HERC1: variants seen among roughly 807,000 people sequenced by gnomAD.
HERC1 encodes the protein HECT and RLD domain containing E3 ubiquitin protein ligase family member 1.
A neutral mutation model predicts 554.3 loss-of-function variants in HERC1; 160 were observed. That is an observed-to-expected ratio of 0.29 (90% confidence interval 0.25 to 0.33). The LOEUF (loss-of-function observed/expected upper bound fraction) is 0.33, where lower values mean the gene tolerates loss of function less well. Ranked by LOEUF, HERC1 falls within the 10% of genes least tolerant of loss-of-function variation. The pLI is 1.00. For missense variants in HERC1, 4,919 were observed against 5,918.5 expected, an observed-to-expected ratio of 0.83 and a Z score of 5.54; for synonymous variants, 2,175 against 2,131.7, an observed-to-expected ratio of 1.02 and a Z score of -0.56.
chr15:63,709,145 C>T (rs945220354), intron 24 of HERC1, among the ~76,000 whole-genome samples: 1 of 151,352 alleles, frequency 6.6e-6, no homozygotes, highest in African/African-American at 2.4e-5. Context: ...CACCACAACA[C>T]CCAGCTAATA....
At position 63,754,521 on chromosome 15, in the gene HERC1, A is replaced by C; in HGVS notation, c.1758T>G (p.Phe586Leu). Residue 586 changes from phenylalanine to leucine, a missense_variant, in exon 7 of 78, where the codon TTT becomes TTG. By Grantham distance (22) the Phe-to-Leu change is conservative. This residue lies in a region of HERC1 where 744 missense variants were observed against 1,090.0 expected (regional missense o/e 0.68). Coordinates refer to ENST00000443617, the MANE Select transcript of HERC1 (RefSeq NM_003922.4). ...TTTACATACCATTGTCTCCTCCTCC[A>C]AAAGACCATACAGTTCTCCCATCTT... ...LSKDGRTVWSFGGGDNGKLGH... is the reference protein window; with the variant it reads ...LSKDGRTVWSLGGGDNGKLGH... 6.2e-7 allele frequency: 1 copy of C among 1,603,216 alleles called. No individual in the cohort carries two copies. The highest frequency in any genetic ancestry group is 1.3e-5 in the African/African-American group (1 of 74,838).
chr15:63,656,120 C>T lies in HERC1; in HGVS notation c.9838G>A (p.Ala3280Thr). The T allele has an allele frequency of 6.2e-7, 1 of 1,612,810 alleles. No individual in the cohort carries two copies. The highest frequency in any genetic ancestry group is 8.5e-7 in the Non-Finnish European group (1 of 1,179,348). ...CACAACTGTACAAGCAGTTTGGCAG[C>T]ACTAGGAGCATTTGATGCCAGACAT... Reference protein sequence around the residue: ...VGCLASNAPSAAKLLVQLCTQ... With the variant: ...VGCLASNAPSTAKLLVQLCTQ... Residue 3280 changes from alanine to threonine, a missense_variant, in exon 49 of 78, where the codon GCT becomes ACT. Ala to Thr is a moderately conservative substitution (Grantham distance 58). Transcript: ENST00000443617.
intron 40 of HERC1, among the ~76,000 whole-genome samples, chr15:63,668,966 C>A (rs927861315): frequency 2.6e-5 from 4 of 152,130 alleles, no homozygotes; most frequent in Non-Finnish European, 5.9e-5. Flanking sequence ...GCACAATACA[C>A]GTATTTTCCA....
chr15:63,803,928 C>T (rs1461239264), intron 1 of HERC1, among the ~76,000 whole-genome samples: 1 of 152,074 alleles, frequency 6.6e-6, no homozygotes, highest in African/African-American at 2.4e-5. Context: ...GATAGTGGTA[C>T]TTTCATCAAG....
intron 12 of HERC1, among the ~76,000 whole-genome samples, chr15:63,735,517 A>C (rs921265787): frequency 2.0e-5 from 3 of 151,874 alleles, no homozygotes; most frequent in African/African-American, 7.3e-5. Flanking sequence ...CACATTGTGC[A>C]CATGTACCCT....
intron 1 of HERC1, among the ~76,000 whole-genome samples, chr15:63,793,385 A>G (rs2076712688): frequency 6.6e-6 from 1 of 152,244 alleles, no homozygotes; most frequent in Non-Finnish European, 1.5e-5. Flanking sequence ...TACACTAATT[A>G]TAATGCATTA....
At chr15:63,751,426 T>C (rs1183708276) in intron 8 of HERC1, among the ~76,000 whole-genome samples, 3 of 152,306 alleles carry the variant, frequency 2.0e-5, no homozygotes, top group African/African-American at 4.8e-5. Context: ...AATGGCCTAA[T>C]AACACATTTC....
intron 74 of HERC1, among the ~76,000 whole-genome samples, chr15:63,620,253 C>T (rs2068015218): frequency 2.0e-5 from 3 of 151,998 alleles, no homozygotes; most frequent in Admixed American, 2.0e-4. Context: ...CATTATGTAC[C>T]CAGTAGTCAT....
Position 63,654,175 on chromosome 15 carries a change from T to G in HERC1, c.10234A>C (p.Met3412Leu), listed in dbSNP as rs781688830. The change falls in exon 51 of 78, where the codon ATG becomes CTG. Residue 3412 changes from methionine (M) to leucine (L), a missense_variant. Physicochemically the swap from Met to Leu is conservative, Grantham distance 15. Around this residue, in one of 11 missense-constraint regions of HERC1, gnomAD observed 1,963 missense variants for 2,228.6 expected, o/e 0.88. Transcript: ENST00000443617. ...NQTTLQTLAD[M>L]GGDLRKCSFI... ...GAGCATTTTCTAAGATCTCCTCCCATATCAGCAAGTGTCTGCAGAGTAGTT... is the reference window on the plus strand; with the variant it reads ...GAGCATTTTCTAAGATCTCCTCCCAGATCAGCAAGTGTCTGCAGAGTAGTT... 1 of 1,613,940 alleles carries G rather than the reference T, an allele frequency of 6.2e-7. No homozygotes were observed. Among genetic ancestry groups the G allele is most frequent in the African/African-American group, 1.3e-5 (1 of 74,946 alleles).
In HERC1 at chr15:63,749,650, G is replaced by C; in HGVS notation, c.2044C>G (p.His682Asp). The C allele has an allele frequency of 1.3e-6, 2 of 1,598,770 alleles. No individual in the cohort carries two copies. Among genetic ancestry groups the C allele is most frequent in the Non-Finnish European group, 1.7e-6 (2 of 1,172,036 alleles). The change falls in exon 9 of 78, where the codon CAT becomes GAT. Residue 682 changes from histidine to aspartate, a missense_variant. Coordinates refer to ENST00000443617, the MANE Select transcript of HERC1 (RefSeq NM_003922.4). The surrounding 1 kb of genome is among the most constrained non-coding windows in gnomAD (Gnocchi z 4.1). ...CCTTAAAAACAAATGACTTTACCAT[G>C]AGAAAGAGCCAAACAATGACTGTCT... is the stretch of plus-strand genomic sequence containing the variant. ...IGDSHCLALS[H>D]DNEVYAWGNN... is the part of the protein sequence containing the mutation.
chr15:63,829,278 G>A (rs1200419030), intron 1 of HERC1, among the ~76,000 whole-genome samples: 5 of 151,302 alleles, frequency 3.3e-5, no homozygotes, highest in Non-Finnish European at 5.9e-5. Context: ...AAAAATCAGC[G>A]GGGCATGGTG....
intron 12 of HERC1, among the ~76,000 whole-genome samples, chr15:63,745,242 A>G (rs1354476238): frequency 4.0e-5 from 6 of 151,650 alleles, no homozygotes; most frequent in Non-Finnish European, 8.8e-5. Flanking sequence ...GTGAGCCAAC[A>G]CTCCCTTGGT....
intron 12 of HERC1, among the ~76,000 whole-genome samples, chr15:63,737,567 A>T (rs2074602522): frequency 8.1e-6 from 1 of 122,756 alleles, no homozygotes; most frequent in African/African-American, 3.0e-5. Flanking sequence ...TTTTTAGTAG[A>T]GAAGGGGTTT....
intron 1 of HERC1, among the ~76,000 whole-genome samples, chr15:63,822,580 T>G (rs148718351): frequency 3.3e-5 from 5 of 150,990 alleles, no homozygotes; most frequent in African/African-American, 9.8e-5. Context: ...AGCAAGACTC[T>G]GTCTCAAAAA....
intron 25 of HERC1, among the ~76,000 whole-genome samples, chr15:63,701,647 G>A (rs566274307): frequency 9.2e-5 from 14 of 152,228 alleles, no homozygotes; most frequent in African/African-American, 3.1e-4. Flanking sequence ...GAGCCCTAAC[G>A]GATGAAATTA....
In HERC1 at chr15:63,623,737, T is replaced by C; in HGVS notation, c.13599A>G (p.Thr4533=). Residue 4533 remains threonine, a synonymous_variant, in exon 73 of 78, where the codon ACA becomes ACG. Transcript: ENST00000443617. ...TGCAGGAATATACCTGGCACATCTC[T>C]GTGATGGTGTCATCAAACACTCCTC... The part of the protein sequence containing the change: ...DAGGVFDDTI[T]EMCQELETGI... 6.2e-7 allele frequency: 1 copy of C among 1,613,798 alleles called. No individual in the cohort carries two copies. The highest frequency in any genetic ancestry group is 8.5e-7 in the Non-Finnish European group (1 of 1,179,780).
At chr15:63,626,233 A>G in intron 70 of HERC1, 79 bp from the exon 71 acceptor site, 1 of 1,412,472 alleles carries the variant, frequency 7.1e-7, no homozygotes, top group South Asian at 1.3e-5. Context: ...TTTCAAGCAT[A>G]CAGAGAAGTT....
In HERC1 at chr15:63,747,759, G is replaced by A. The variant is rs901441145; in HGVS notation, c.2319C>T (p.Asn773=). The part of the protein sequence containing the change: ...SFLERYCDKI[N]SEIPPLPFPS... ...GGAAAGGGAGTGGGGGAATCTCACT[G>A]TTTATTTTATCACAGTATCTCTCAA... The change falls in exon 11 of 78, where the codon AAC becomes AAT. Residue 773 remains asparagine, a synonymous_variant. Coordinates refer to ENST00000443617, the MANE Select transcript of HERC1 (RefSeq NM_003922.4). 10 of 1,550,320 alleles carry A rather than the reference G, an allele frequency of 6.5e-6. No individual in the cohort carries two copies. In the Admixed American group the frequency reaches 9.8e-5, roughly 15 times the overall value.
intron 2 of HERC1, among the ~76,000 whole-genome samples, chr15:63,766,960 G>C (rs142537231): frequency 0.014 from 2,067 of 151,362 alleles, 21 homozygotes; most frequent in East Asian, 0.031. Context: ...TTACAGGCGT[G>C]AGCCACCATG....
Sources: allele counts gnomAD v4.1 joint callset (sites outside exome capture counted in the v4.1 genomes callset), GRCh38; gene constraint gnomAD v4.1.1; regional missense constraint gnomAD v4.1.1; non-coding constraint Gnocchi (gnomAD v3.1); transcripts MANE v1.5; gene names NCBI Gene and HGNC (gene_info 2026-07-23, HGNC 2026-07-21).